The following TRHDE variants were observed in gnomAD, a reference collection of about 807,000 sequenced individuals.
TRHDE encodes the protein thyrotropin releasing hormone degrading enzyme, also known as thyrotropin-releasing hormone-degrading ectoenzyme.
A neutral mutation model predicts 125.7 loss-of-function variants in TRHDE; 72 were observed. The observed-to-expected ratio is 0.57, with a 90% CI of 0.47 to 0.70. The LOEUF (loss-of-function observed/expected upper bound fraction) is 0.70. Ranked by LOEUF, TRHDE falls within the 30% of genes least tolerant of loss-of-function variation. The probability of loss-of-function intolerance (pLI) is 0.00; values close to 1 mark genes in which losing one functional copy is unlikely to be tolerated. For synonymous variants in TRHDE, 509 were observed against 509.1 expected, an observed-to-expected ratio of 1.00 and a Z score of 0.00; for missense variants, 1,110 against 1,327.1, an observed-to-expected ratio of 0.84 and a Z score of 2.54.
chr12:72,147,901 TGAG>T (rs1371073847), intron 2 of TRHDE: 1 of 152,260 alleles, frequency 6.6e-6, no homozygotes, highest in Non-Finnish European at 1.5e-5. Flanking sequence ...CAGCAGATGA[TGAG>T]TGGTTTCAAC....
rs552172462 is a variant in TRHDE at position 72,668,231 on chromosome 12, T to A, written c.*5036T>A. ...AAATGTACTTCAGTAGTTTTATTTT[T>A]ATTTTGTGAAATTTTATTTTAAAGT... On this transcript the variant is annotated 3_prime_UTR_variant, in exon 19 of 19. Transcript: ENST00000261180. 6.6e-6 allele frequency: 1 copy of A among 151,912 alleles called. No individual in the cohort carries two copies. Among genetic ancestry groups the A allele is most frequent in the African/African-American group, 2.4e-5 (1 of 41,552 alleles). The allele number at this position is 151,912 out of a possible 1,614,324, so 9.4% of individuals were successfully genotyped here.
chr12:72,178,950 A>G (rs1413560939), intron 2 of TRHDE, among the ~76,000 whole-genome samples: 1 of 152,132 alleles, frequency 6.6e-6, no homozygotes, highest in Non-Finnish European at 1.5e-5. Flanking sequence ...ATTTCTACAA[A>G]CTGAAGATAT....
chr12:72,226,730 T>C (rs1878136608), intron 2 of TRHDE, among the ~76,000 whole-genome samples: 1 of 152,156 alleles, frequency 6.6e-6, no homozygotes, highest in Non-Finnish European at 1.5e-5. Flanking sequence ...TAATATGTCA[T>C]GGAGTTGGCA....
intron 4 of TRHDE, among the ~76,000 whole-genome samples, chr12:72,472,857 C>A (rs1001806441): frequency 6.6e-6 from 1 of 151,898 alleles, no homozygotes; most frequent in Non-Finnish European, 1.5e-5. Flanking sequence ...CTTTTTTGTT[C>A]TTCTCTGAAA....
intron 3 of TRHDE, among the ~76,000 whole-genome samples, chr12:72,420,514 A>G (rs1592431694): frequency 6.6e-6 from 1 of 152,142 alleles, no homozygotes. Context: ...GATATTATCC[A>G]TGGTTCTTTG....
chr12:72,349,618 A>G (rs963159617), intron 2 of TRHDE, among the ~76,000 whole-genome samples: 1 of 151,964 alleles, frequency 6.6e-6, no homozygotes, highest in African/African-American at 2.4e-5. Flanking sequence ...AGTAGACCCT[A>G]CTGACTTTAC....
At chr12:72,343,265 C>A (rs1430464582) in intron 2 of TRHDE, among the ~76,000 whole-genome samples, 3 of 152,042 alleles carry the variant, frequency 2.0e-5, no homozygotes, top group Non-Finnish European at 4.4e-5. Context: ...CCCACCCCGC[C>A]CCTGTGCATA....
At chr12:72,160,875 T>C (rs1592464319) in intron 2 of TRHDE, among the ~76,000 whole-genome samples, 2 of 152,342 alleles carry the variant, frequency 1.3e-5, no homozygotes, top group Middle Eastern at 6.8e-3. Flanking sequence ...GGCAATGTAC[T>C]TCAAATTTAT....
chr12:72,120,122 C>T (rs1875542760), intron 2 of TRHDE, among the ~76,000 whole-genome samples: 1 of 151,666 alleles, frequency 6.6e-6, no homozygotes, highest in Non-Finnish European at 1.5e-5. Context: ...GTGATCTTGG[C>T]TCACTGCAAT....
chr12:72,334,780 T>C (rs1391095235), intron 2 of TRHDE, among the ~76,000 whole-genome samples: 1 of 152,000 alleles, frequency 6.6e-6, no homozygotes, highest in Admixed American at 6.5e-5. Flanking sequence ...ACCACCACAA[T>C]AGGAAATAAG....
intron 12 of TRHDE, among the ~76,000 whole-genome samples, chr12:72,603,555 C>T (rs977413733): frequency 3.9e-5 from 6 of 151,994 alleles, no homozygotes; most frequent in Non-Finnish European, 7.4e-5. Flanking sequence ...GAAACCCCAT[C>T]TCTACTAAAA....
chr12:72,505,720 T>C (rs1360807155), intron 6 of TRHDE, among the ~76,000 whole-genome samples: 1 of 152,218 alleles, frequency 6.6e-6, no homozygotes, highest in African/African-American at 2.4e-5. Flanking sequence ...TAAAAAGTGA[T>C]TGTGGTAGAA....
In TRHDE at chr12:72,650,212, C is replaced by T. The variant is rs532939292; in HGVS notation, c.2676-2110C>T. 3.4e-3 allele frequency among the ~76,000 whole-genome samples: 517 copies of T among 152,100 alleles called. 1 individual carries two copies. Among genetic ancestry groups the T allele is most frequent in the Middle Eastern group, 0.017 (5 of 294 alleles). ...ACTATTCAGCCTTTACAAAGCACGA[C>T]GTTTTTCAATATTGACAATATTTAT... On this transcript the variant is annotated intron_variant, in intron 15 of 18. Coordinates refer to ENST00000261180, the MANE Select transcript of TRHDE (RefSeq NM_013381.3).
chr12:72,247,823 T>C (rs1320883829), intron 2 of TRHDE, among the ~76,000 whole-genome samples: 1 of 152,198 alleles, frequency 6.6e-6, no homozygotes, highest in African/African-American at 2.4e-5. Flanking sequence ...TATTCTGGAA[T>C]TTCATTTGCA....
At chr12:72,467,767 A>T (rs1206447938) in intron 3 of TRHDE, among the ~76,000 whole-genome samples, 1 of 152,224 alleles carries the variant, frequency 6.6e-6, no homozygotes, top group Non-Finnish European at 1.5e-5. Flanking sequence ...GTGAGCCGAG[A>T]TCGCACCACT....
chr12:72,349,777 G>A (rs1870499366), intron 2 of TRHDE, among the ~76,000 whole-genome samples: 1 of 151,992 alleles, frequency 6.6e-6, no homozygotes, highest in Admixed American at 6.6e-5. Context: ...TTCGAAGTGA[G>A]AAAATCTGAT....
chr12:72,295,827 G>C, intron 2 of TRHDE, among the ~76,000 whole-genome samples: 1 of 151,716 alleles, frequency 6.6e-6, no homozygotes, highest in East Asian at 1.9e-4. Flanking sequence ...TAGAAGTCCT[G>C]TTGTCATTAG....
intron 2 of TRHDE, among the ~76,000 whole-genome samples, chr12:72,368,353 C>CT (rs916180854): frequency 2.0e-5 from 3 of 152,000 alleles, no homozygotes; most frequent in Non-Finnish European, 4.4e-5. Flanking sequence ...AATGTGTCTT[C>CT]TTTTTTTGCA....
At chr12:72,483,037 G>A (rs1457267784) in intron 5 of TRHDE, among the ~76,000 whole-genome samples, 6 of 151,726 alleles carry the variant, frequency 4.0e-5, no homozygotes, top group South Asian at 4.1e-4. Flanking sequence ...TGGCATATTT[G>A]GGCTCTTCAC....
Sources: gnomAD v4.1 joint callset for allele counts (sites outside exome capture counted in the v4.1 genomes callset) on GRCh38, gnomAD v4.1.1 for gene constraint, MANE v1.5 for transcripts, NCBI Gene and HGNC (gene_info 2026-07-23, HGNC 2026-07-21) for gene names.